LHFPL3: variants seen among roughly 807,000 people sequenced by gnomAD.
LHFPL3 encodes LHFPL tetraspan subfamily member 3 protein.
LHFPL3 carries 5 observed loss-of-function variants against 19.3 expected under a neutral mutation model. The ratio of observed to expected loss-of-function variants is 0.26; its 90% CI spans 0.14 to 0.54. LHFPL3 has a LOEUF of 0.54. Among genes scored for constraint, LHFPL3 ranks in the 20% least tolerant of loss-of-function variants. LHFPL3 has a pLI of 0.94. For missense variants in LHFPL3, 249 were observed against 307.4 expected (o/e 0.81, Z 1.42); for synonymous variants, 133 against 126.2 (o/e 1.05, Z -0.36).
chr7:104,614,680 C>CTTCCTTCCTTCCTTCT lies in LHFPL3; in HGVS notation c.446-121992_446-121991insCTTCCTTCCTTCTTTC, dbSNP rs767634683. On this transcript the variant is annotated intron_variant, in intron 1 of 2. Coordinates refer to ENST00000424859, the MANE Select transcript of LHFPL3 (RefSeq NM_199000.3). The stretch of plus-strand genomic sequence containing the variant: ...CCTTCCTTCCTTCCTTCCTTCCTTC[C>CTTCCTTCCTTCCTTCT]TTCTTTCTTTCTTTCTTTCTTTCTT... 5.0e-3 allele frequency among the ~76,000 whole-genome samples: 468 copies of CTTCCTTCCTTCCTTCT among 94,420 alleles called. 4 individuals are homozygous for CTTCCTTCCTTCCTTCT. Among genetic ancestry groups the CTTCCTTCCTTCCTTCT allele is most frequent in the Non-Finnish European group, 7.4e-3 (338 of 45,446 alleles). 61.9% of individuals were successfully genotyped at this position (94,420 alleles called of 152,430 possible). A position where few individuals can be genotyped will look rare whatever the true frequency, so the allele number is the denominator to read the frequency against.
intron 1 of LHFPL3, among the ~76,000 whole-genome samples, chr7:104,379,669 C>A (rs1465876338): frequency 1.3e-5 from 2 of 151,930 alleles, no homozygotes; most frequent in African/African-American, 2.4e-5. Context: ...GCTCCTAGGG[C>A]AAGATGTAAG....
intron 1 of LHFPL3, among the ~76,000 whole-genome samples, chr7:104,591,529 T>A (rs1790722737): frequency 6.6e-6 from 1 of 152,214 alleles, no homozygotes; most frequent in African/African-American, 2.4e-5. Context: ...CCGACCTTTC[T>A]CTCTGGCTGC....
chr7:104,543,045 C>T (rs1794517631), intron 1 of LHFPL3, among the ~76,000 whole-genome samples: 1 of 152,068 alleles, frequency 6.6e-6, no homozygotes, highest in African/African-American at 2.4e-5. Flanking sequence ...AGCAAACTAA[C>T]ACAGGAACAG....
intron 1 of LHFPL3, among the ~76,000 whole-genome samples, chr7:104,710,302 A>T (rs1185989521): frequency 6.6e-6 from 1 of 152,230 alleles, no homozygotes; most frequent in African/African-American, 2.4e-5. Context: ...CATGTACTGC[A>T]ACATGAATAT....
At chr7:104,609,594 T>A (rs947400660) in intron 1 of LHFPL3, among the ~76,000 whole-genome samples, 1 of 152,302 alleles carries the variant, frequency 6.6e-6, no homozygotes, top group Admixed American at 6.5e-5. Context: ...AGGAGAATTG[T>A]AAAGTACATT....
chr7:104,378,526 G>A (rs1278183641), intron 1 of LHFPL3, among the ~76,000 whole-genome samples: 1 of 152,124 alleles, frequency 6.6e-6, no homozygotes, highest in Non-Finnish European at 1.5e-5. Flanking sequence ...TCTTTCTGTT[G>A]CAACATATTT....
chr7:104,562,554 C>G (rs1191733600), intron 1 of LHFPL3, among the ~76,000 whole-genome samples: 2 of 151,944 alleles, frequency 1.3e-5, no homozygotes, highest in African/African-American at 4.8e-5. Context: ...AAGCACTTCT[C>G]TGTATTGGTT....
intron 1 of LHFPL3, among the ~76,000 whole-genome samples, chr7:104,393,143 A>G (rs1193978696): frequency 1.3e-5 from 2 of 152,200 alleles, no homozygotes; most frequent in Admixed American, 1.3e-4. Flanking sequence ...TAGGATGGCT[A>G]GAATCAAAAA....
At position 104,328,727 on chromosome 7, in the gene LHFPL3, G is replaced by GCGGGGGGAGGCGGAGGAC; in HGVS notation, c.-51_-34dup. ...GAGTGTGTCTCCTGCGCGCTGAGAG[G>GCGGGGGGAGGCGGAGGAC]CGGGGGGAGGCGGAGGACCAGGAGG... On this transcript the variant is annotated 5_prime_UTR_variant, in exon 1 of 3. Transcript: ENST00000424859. The surrounding 1 kb of genome is among the most constrained non-coding windows in gnomAD (Gnocchi z 4.6). 2.7e-6 allele frequency: 4 copies of GCGGGGGGAGGCGGAGGAC among 1,475,364 alleles called. No homozygotes were observed. Among genetic ancestry groups the GCGGGGGGAGGCGGAGGAC allele is most frequent in the Non-Finnish European group, 3.7e-6 (4 of 1,095,888 alleles). The allele number at this position is 1,475,364 out of a possible 1,614,324, so 91.4% of individuals were successfully genotyped here.
chr7:104,503,849 C>T (rs1032114946), intron 1 of LHFPL3, among the ~76,000 whole-genome samples: 3 of 152,238 alleles, frequency 2.0e-5, no homozygotes, highest in Admixed American at 1.3e-4. Context: ...GGATTATAGT[C>T]ATGAGCCACC....
At chr7:104,536,599 C>T (rs557712388) in intron 1 of LHFPL3, among the ~76,000 whole-genome samples, 22 of 152,286 alleles carry the variant, frequency 1.4e-4, no homozygotes, top group African/African-American at 5.1e-4. Flanking sequence ...CTTCTGTGAT[C>T]TGATCTTGCT....
At chr7:104,411,505 A>G (rs1295420308) in intron 1 of LHFPL3, among the ~76,000 whole-genome samples, 2 of 152,168 alleles carry the variant, frequency 1.3e-5, no homozygotes, top group Non-Finnish European at 2.9e-5. Context: ...CATACAGGTA[A>G]CATTCCTTTA....
intron 2 of LHFPL3, among the ~76,000 whole-genome samples, chr7:104,737,372 G>C (rs1793848561): frequency 6.6e-6 from 1 of 152,140 alleles, no homozygotes; most frequent in Admixed American, 6.5e-5. Flanking sequence ...ATTGAATTCA[G>C]ACCCAACTTC....
intron 1 of LHFPL3, among the ~76,000 whole-genome samples, chr7:104,703,662 C>G (rs147804443): frequency 8.5e-5 from 13 of 152,168 alleles, no homozygotes; most frequent in African/African-American, 2.9e-4. Context: ...TGCATTTTGT[C>G]TAACTGAATA....
intron 2 of LHFPL3, among the ~76,000 whole-genome samples, chr7:104,855,629 C>CT (rs11371248): frequency 0.61 from 89,352 of 146,132 alleles, 29,472 homozygotes; most frequent in Non-Finnish European, 0.77. Context: ...ATTTTTCTTT[C>CT]TTTTTTTTTT....
rs1036114450 is a variant in LHFPL3, at chr7:104,893,282, C to T, written c.683-12905C>T. On this transcript the variant is annotated intron_variant, in intron 2 of 2. Coordinates refer to ENST00000424859, the MANE Select transcript of LHFPL3 (RefSeq NM_199000.3). ...TAATCCCAGCACTTTGGGAGGCAGA[C>T]GTGAGCTGATCACTTGAGGTCAGGA... is the stretch of plus-strand genomic sequence containing the variant. Among the ~76,000 whole-genome samples the T allele has an allele frequency of 1.9e-4, 28 of 151,182 alleles. 1 individual carries two copies. Among genetic ancestry groups the T allele is most frequent in the South Asian group, 8.4e-4 (4 of 4,784 alleles).
At chr7:104,595,105 C>T (rs963296290) in intron 1 of LHFPL3, among the ~76,000 whole-genome samples, 8 of 152,214 alleles carry the variant, frequency 5.3e-5, no homozygotes, top group Admixed American at 2.0e-4. Context: ...GTGAACCTTT[C>T]GAGGAGAAGA....
Position 104,790,555 on chromosome 7 carries a change from G to A in LHFPL3, c.682+53644G>A, listed in dbSNP as rs1020316583. 3.4e-4 allele frequency among the ~76,000 whole-genome samples: 51 copies of A among 152,038 alleles called. 2 individuals are homozygous for A. The highest frequency in any genetic ancestry group is 7.4e-5 in the Non-Finnish European group (5 of 68,024). On this transcript the variant is annotated intron_variant, in intron 2 of 2. Coordinates refer to ENST00000424859, the MANE Select transcript of LHFPL3 (RefSeq NM_199000.3). ...CCCAACCAGAGTATAAACCACCTAG[G>A]TACAACATTGTATCCTGTTTTCCTT...
At chr7:104,357,710 ACT>A (rs1790306549) in intron 1 of LHFPL3, among the ~76,000 whole-genome samples, 1 of 152,054 alleles carries the variant, frequency 6.6e-6, no homozygotes, top group African/African-American at 2.4e-5. Flanking sequence ...AGACTGGAAC[ACT>A]CAGGCATGGG....
Sources: gnomAD v4.1 joint callset for allele counts (sites outside exome capture counted in the v4.1 genomes callset) on GRCh38, gnomAD v4.1.1 for gene constraint, Gnocchi (gnomAD v3.1) non-coding constraint, MANE v1.5 for transcripts, NCBI Gene and HGNC (gene_info 2026-07-23, HGNC 2026-07-21) for gene names.